Variants in GRM8 observed in about 807,000 individuals in gnomAD.
GRM8 encodes metabotropic glutamate receptor 8.
Under a neutral mutation model 87.2 loss-of-function variants are expected in GRM8, and 47 were observed. The ratio of observed to expected loss-of-function variants is 0.54; its 90% CI spans 0.43 to 0.69. GRM8 has a LOEUF of 0.69. Ranked by LOEUF, GRM8 falls within the 30% of genes least tolerant of loss-of-function variation. The probability of loss-of-function intolerance (pLI) is 0.00; values close to 1 mark genes in which losing one functional copy is unlikely to be tolerated. For missense variants in GRM8, 1,019 were observed against 1,139.2 expected, an observed-to-expected ratio of 0.89 and a Z score of 1.52; for synonymous variants, 396 against 404.5, an observed-to-expected ratio of 0.98 and a Z score of 0.25.
At chr7:126,892,898 C>A (rs939244105) in intron 6 of GRM8, among the ~76,000 whole-genome samples, 1 of 152,016 alleles carries the variant, frequency 6.6e-6, no homozygotes, top group African/African-American at 2.4e-5. Context: ...TGATGGTGAG[C>A]ATTTTTTCAT....
At chr7:127,015,052 GAAGA>G (rs1815353218) in intron 3 of GRM8, among the ~76,000 whole-genome samples, 1 of 119,040 alleles carries the variant, frequency 8.4e-6, no homozygotes, top group Non-Finnish European at 1.9e-5. Context: ...AGAAGAAGAA[GAAGA>G]AGAAGAAGAA....
intron 6 of GRM8, among the ~76,000 whole-genome samples, chr7:126,900,101 T>C (rs1332289503): frequency 6.6e-6 from 1 of 152,186 alleles, no homozygotes; most frequent in Non-Finnish European, 1.5e-5. Context: ...CAGTCTCCCA[T>C]GGCAATTGCA....
intron 2 of GRM8, among the ~76,000 whole-genome samples, chr7:127,181,433 A>G (rs2116410460): frequency 6.6e-6 from 1 of 152,254 alleles, no homozygotes; most frequent in South Asian, 2.1e-4. Context: ...AAAGCAATCT[A>G]TACATTCAAC....
intron 3 of GRM8, among the ~76,000 whole-genome samples, chr7:127,006,052 C>T (rs777109026): frequency 3.3e-5 from 5 of 151,964 alleles, no homozygotes; most frequent in African/African-American, 1.2e-4. Context: ...CCGTCCTTCA[C>T]TCTCATATGA....
chr7:126,804,205 C>T (rs1399110205), intron 6 of GRM8, among the ~76,000 whole-genome samples: 1 of 152,234 alleles, frequency 6.6e-6, no homozygotes, highest in Non-Finnish European at 1.5e-5. Context: ...CCTTGGCTTT[C>T]CCTGCAGCTG....
At chr7:126,442,024 G>C (rs1801526282) in intron 10 of GRM8, among the ~76,000 whole-genome samples, 2 of 151,634 alleles carry the variant, frequency 1.3e-5, no homozygotes, top group African/African-American at 4.8e-5. Context: ...AAATCATTGG[G>C]CCAGGTTACT....
intron 8 of GRM8, among the ~76,000 whole-genome samples, chr7:126,554,902 T>C (rs1280777859): frequency 6.6e-6 from 1 of 152,198 alleles, no homozygotes; most frequent in Admixed American, 6.5e-5. Flanking sequence ...CTGTTTTGTT[T>C]GGCAAATAAT....
At chr7:127,037,502 C>T (rs1817952169) in intron 3 of GRM8, among the ~76,000 whole-genome samples, 1 of 152,190 alleles carries the variant, frequency 6.6e-6, no homozygotes, top group East Asian at 1.9e-4. Flanking sequence ...TTGCTCTGTT[C>T]TTGCCCCCAC....
chr7:127,078,051 G>A (rs1822476731), intron 3 of GRM8, among the ~76,000 whole-genome samples: 4 of 152,384 alleles, frequency 2.6e-5, no homozygotes, highest in Admixed American at 2.6e-4. Context: ...TGAGAAGGCT[G>A]TAGGTTGGGA....
chr7:126,943,036 A>C, intron 3 of GRM8, among the ~76,000 whole-genome samples: 1 of 152,160 alleles, frequency 6.6e-6, no homozygotes, highest in Middle Eastern at 3.2e-3. Context: ...CTCAGGTGGG[A>C]CCTGACTAAT....
chr7:126,756,929 A>C (rs1233260710), intron 7 of GRM8, among the ~76,000 whole-genome samples: 1 of 152,132 alleles, frequency 6.6e-6, no homozygotes, highest in Admixed American at 6.6e-5. Flanking sequence ...CAAGACGAGA[A>C]GGTTCATGAA....
intron 2 of GRM8, among the ~76,000 whole-genome samples, chr7:127,126,517 G>A (rs1032654177): frequency 2.0e-5 from 3 of 151,654 alleles, no homozygotes; most frequent in Non-Finnish European, 4.4e-5. Flanking sequence ...TTAGTTAATG[G>A]GTACAATGAA....
chr7:127,094,740 C>A (rs10954144), intron 3 of GRM8, among the ~76,000 whole-genome samples: 37 of 152,202 alleles, frequency 2.4e-4, no homozygotes, highest in Admixed American at 1.4e-3. Context: ...CAAACTAATA[C>A]AGTTGGCAAT....
chr7:126,819,740 A>G (rs946066259), intron 6 of GRM8, among the ~76,000 whole-genome samples: 11 of 152,154 alleles, frequency 7.2e-5, no homozygotes, highest in Non-Finnish European at 1.6e-4. Context: ...ATGTAAATAG[A>G]TTTTTTAAAA....
intron 7 of GRM8, among the ~76,000 whole-genome samples, chr7:126,686,457 AG>A (rs925919868): frequency 1.1e-4 from 17 of 152,172 alleles, no homozygotes; most frequent in African/African-American, 4.1e-4. Flanking sequence ...GAGCCAGGGC[AG>A]TGACTCCCTA....
intron 3 of GRM8, among the ~76,000 whole-genome samples, chr7:126,919,548 G>A (rs555660522): frequency 6.6e-6 from 1 of 151,934 alleles, no homozygotes; most frequent in Non-Finnish European, 1.5e-5. Context: ...TGGAGCCTTG[G>A]TCAGGTGCTA....
At chr7:126,748,880 C>A (rs1816038789) in intron 7 of GRM8, among the ~76,000 whole-genome samples, 1 of 151,934 alleles carries the variant, frequency 6.6e-6, no homozygotes, top group Non-Finnish European at 1.5e-5. Flanking sequence ...AAATATAATA[C>A]AATGGGAGAC....
intron 7 of GRM8, among the ~76,000 whole-genome samples, chr7:126,682,816 C>T (rs1422327393): frequency 1.3e-5 from 2 of 152,080 alleles, no homozygotes; most frequent in South Asian, 2.1e-4. Context: ...TTTGGGAGGT[C>T]GAGGCAGGCG....
At chr7:126,620,948 T>C (rs1800103099) in intron 7 of GRM8, among the ~76,000 whole-genome samples, 1 of 152,174 alleles carries the variant, frequency 6.6e-6, no homozygotes, top group Non-Finnish European at 1.5e-5. Context: ...ACCAAAACCT[T>C]ATTTTCCTGA....
Sources: allele counts gnomAD v4.1 joint callset (sites outside exome capture counted in the v4.1 genomes callset), GRCh38; gene constraint gnomAD v4.1.1; transcripts MANE v1.5; gene names NCBI Gene and HGNC (gene_info 2026-07-23, HGNC 2026-07-21).